NALCN: variants seen among roughly 807,000 people sequenced by gnomAD.
NALCN encodes sodium leak channel NALCN.
NALCN carries 111 observed loss-of-function variants against 225.3 expected under a neutral mutation model. That is an observed-to-expected ratio of 0.49 (90% CI 0.42 to 0.58). NALCN has a LOEUF of 0.58. Among genes scored for constraint, NALCN ranks in the 20% least tolerant of loss-of-function variants. The pLI is 0.00. For missense variants in NALCN, 1,378 were observed against 2,202.4 expected (o/e 0.63, Z 7.49); for synonymous variants, 764 against 769.0 (o/e 0.99, Z 0.11).
intron 14 of NALCN, among the ~76,000 whole-genome samples, chr13:101,184,565 T>A (rs1265791021): frequency 6.6e-6 from 1 of 152,246 alleles, no homozygotes. Context: ...TTCAGTCAAA[T>A]TCAATAAATT....
At chr13:101,331,126 G>C (rs1194133765) in intron 7 of NALCN, among the ~76,000 whole-genome samples, 1 of 152,104 alleles carries the variant, frequency 6.6e-6, no homozygotes, top group East Asian at 1.9e-4. Flanking sequence ...CACAGTTCAG[G>C]CCAGAGTACC....
intron 17 of NALCN, among the ~76,000 whole-genome samples, chr13:101,140,245 C>T (rs918944471): frequency 5.3e-5 from 8 of 152,034 alleles, no homozygotes; most frequent in East Asian, 1.9e-4. Flanking sequence ...GGGGAGGGTT[C>T]GCTTCGGGCG....
At chr13:101,083,993 A>G (rs956290879) in intron 30 of NALCN, among the ~76,000 whole-genome samples, 189 bp from the exon 31 acceptor site, 1 of 152,146 alleles carries the variant, frequency 6.6e-6, no homozygotes, top group African/African-American at 2.4e-5. Flanking sequence ...TCCCAAAATG[A>G]TGACCAGGTG....
intron 7 of NALCN, among the ~76,000 whole-genome samples, chr13:101,297,485 T>C (rs1018002487): frequency 6.6e-6 from 1 of 152,210 alleles, no homozygotes; most frequent in African/African-American, 2.4e-5. Flanking sequence ...CTCAGCAATG[T>C]TCTTGAACTT....
intron 6 of NALCN, among the ~76,000 whole-genome samples, chr13:101,369,201 T>TGTGTGTGTGTGTGTGTGA: frequency 6.6e-6 from 1 of 150,800 alleles, no homozygotes; most frequent in Non-Finnish European, 1.5e-5. Flanking sequence ...TGTGTGTGTA[T>TGTGTGTGTGTGTGTGTGA]GCTACTAGGC....
At chr13:101,167,722 C>G (rs896809483) in intron 15 of NALCN, among the ~76,000 whole-genome samples, 3 of 88,934 alleles carry the variant, frequency 3.4e-5, no homozygotes, top group Admixed American at 1.0e-4. Context: ...CCTGTAATCC[C>G]AGCTACTTGG....
intron 7 of NALCN, among the ~76,000 whole-genome samples, chr13:101,335,862 G>A (rs1284286275): frequency 6.6e-6 from 1 of 151,892 alleles, no homozygotes; most frequent in Non-Finnish European, 1.5e-5. Context: ...TATTTGTAAA[G>A]TTCTCATCTG....
At chr13:101,163,981 C>G (rs2038315919) in intron 15 of NALCN, among the ~76,000 whole-genome samples, 1 of 152,048 alleles carries the variant, frequency 6.6e-6, no homozygotes, top group African/African-American at 2.4e-5. Context: ...GTGGCTTCAT[C>G]ATCACACAGT....
chr13:101,349,147 AAGACC>A (rs777519269), intron 6 of NALCN, among the ~76,000 whole-genome samples: 1 of 152,166 alleles, frequency 6.6e-6, no homozygotes, highest in Non-Finnish European at 1.5e-5. Flanking sequence ...AACGGGTTTC[AAGACC>A]AGCATTTCTT....
chr13:101,224,390 T>C (rs1422304440), intron 13 of NALCN, among the ~76,000 whole-genome samples: 3 of 152,210 alleles, frequency 2.0e-5, no homozygotes, highest in East Asian at 1.9e-4. Flanking sequence ...AGGACTTTAC[T>C]ACTACCCAAA....
intron 13 of NALCN, among the ~76,000 whole-genome samples, chr13:101,215,753 G>A (rs1481996605): frequency 2.6e-5 from 4 of 151,594 alleles, no homozygotes; most frequent in African/African-American, 7.3e-5. Flanking sequence ...TGTGCACAAC[G>A]TGCAGGTTTG....
chr13:101,332,397 C>CAAAAAAAAAAAAAAAAAAAAA (rs753158247), intron 7 of NALCN, among the ~76,000 whole-genome samples: 2 of 57,854 alleles, frequency 3.5e-5, no homozygotes, highest in African/African-American at 7.6e-5. Flanking sequence ...TTCACAAAGC[C>CAAAAAAAAAAAAAAAAAAAAA]AAAAAAAAAA....
chr13:101,315,099 ATTAT>A (rs1026145039), intron 7 of NALCN, among the ~76,000 whole-genome samples: 24 of 152,366 alleles, frequency 1.6e-4, no homozygotes, highest in African/African-American at 5.8e-4. Context: ...ATGTTTAATC[ATTAT>A]TTAATTACCA....
chr13:101,233,989 C>G (rs2041455999), intron 12 of NALCN, among the ~76,000 whole-genome samples: 1 of 152,162 alleles, frequency 6.6e-6, no homozygotes, highest in Admixed American at 6.5e-5. Context: ...CAGTGTGATT[C>G]TCTCCACCTG....
intron 40 of NALCN, 151 bp from the exon 41 acceptor site, chr13:101,062,269 C>T: frequency 1.3e-6 from 1 of 757,352 alleles, no homozygotes; most frequent in Non-Finnish European, 2.1e-6. Context: ...TGGGCTGGTC[C>T]TGTCACCTCT....
At chr13:101,286,280 G>A (rs939401506) in intron 9 of NALCN, among the ~76,000 whole-genome samples, 1 of 152,152 alleles carries the variant, frequency 6.6e-6, no homozygotes, top group African/African-American at 2.4e-5. Flanking sequence ...GAATCTGTAT[G>A]GGGCCACTAG....
At chr13:101,143,804 T>TC (rs1338246182) in intron 16 of NALCN, among the ~76,000 whole-genome samples, 16 of 152,264 alleles carry the variant, frequency 1.1e-4, no homozygotes, top group Admixed American at 5.9e-4. Flanking sequence ...ACACTTTTTT[T>TC]CCCCCTCTAA....
chr13:101,259,066 ATTTTACTACAAC>A (rs2042332021), intron 10 of NALCN, among the ~76,000 whole-genome samples: 1 of 152,120 alleles, frequency 6.6e-6, no homozygotes, highest in Non-Finnish European at 1.5e-5. Flanking sequence ...TTTGTTGAAA[ATTTTACTACAAC>A]TTCTAGTAAG....
At chr13:101,278,522 CAA>C (rs3061766) in intron 10 of NALCN, among the ~76,000 whole-genome samples, 27 of 87,450 alleles carry the variant, frequency 3.1e-4, no homozygotes, top group African/African-American at 4.6e-4. Flanking sequence ...GACTCTGTCT[CAA>C]AAAAAAAAAA....
Sources: gnomAD v4.1 joint callset for allele counts (sites outside exome capture counted in the v4.1 genomes callset) on GRCh38, gnomAD v4.1.1 for gene constraint, MANE v1.5 for transcripts, NCBI Gene and HGNC (gene_info 2026-07-23, HGNC 2026-07-21) for gene names.